The following SEMA3E variants were observed in gnomAD, a reference collection of about 807,000 sequenced individuals.
SEMA3E encodes the protein semaphorin-3E.
SEMA3E carries 49 observed loss-of-function variants against 93.6 expected under a neutral mutation model. The ratio of observed to expected loss-of-function variants is 0.52; its 90% confidence interval spans 0.42 to 0.66. SEMA3E has a LOEUF of 0.66. SEMA3E is among the 30% of genes least tolerant of loss of function. The probability of loss-of-function intolerance (pLI) is 0.00; values close to 1 mark genes in which losing one functional copy is unlikely to be tolerated. For missense variants in SEMA3E, 906 were observed against 964.8 expected (o/e 0.94, Z 0.81); for synonymous variants, 363 against 330.7 (o/e 1.10, Z -1.06).
chr7:83,611,369 T>A (rs966972983), intron 1 of SEMA3E, among the ~76,000 whole-genome samples: 2 of 144,100 alleles, frequency 1.4e-5, no homozygotes, highest in Non-Finnish European at 3.0e-5. Context: ...AATTTATATA[T>A]TATATATATA....
chr7:83,405,387 G>A, intron 9 of SEMA3E, 63 bp downstream of exon 9: 1 of 1,163,312 alleles, frequency 8.6e-7, no homozygotes. Flanking sequence ...ACACCATGAA[G>A]GGAGAGTCCG....
chr7:83,503,413 G>A (rs1000013820), intron 1 of SEMA3E, among the ~76,000 whole-genome samples: 7 of 151,944 alleles, frequency 4.6e-5, no homozygotes, highest in African/African-American at 1.5e-4. Context: ...CTTGAAATTT[G>A]AATTCTAAGT....
At chr7:83,475,714 A>G (rs1789995760) in intron 2 of SEMA3E, among the ~76,000 whole-genome samples, 1 of 152,196 alleles carries the variant, frequency 6.6e-6, no homozygotes, top group African/African-American at 2.4e-5. Flanking sequence ...GACAGCATCT[A>G]TGTAACTGTG....
chr7:83,616,060 A>G (rs966444276), intron 1 of SEMA3E, among the ~76,000 whole-genome samples: 37 of 151,970 alleles, frequency 2.4e-4, no homozygotes, highest in African/African-American at 8.2e-4. Context: ...TTAGACCATG[A>G]GCTAGATAAC....
chr7:83,405,435 G>T lies in SEMA3E; in HGVS notation c.998+15C>A. 6.3e-7 allele frequency: 1 copy of T among 1,578,708 alleles called. No homozygotes were observed. The highest frequency in any genetic ancestry group is 8.7e-7 in the Non-Finnish European group (1 of 1,148,014). ...TTGTTCTATATTGTTTTTATTGACT[G>T]TATAAATTTCTCACCTGGTAGTGTT... is the stretch of plus-strand genomic sequence containing the variant. On this transcript the variant is annotated intron_variant, in intron 9 of 16. Coordinates refer to ENST00000643230, the MANE Select transcript of SEMA3E (RefSeq NM_012431.3).
At chr7:83,402,493 A>G (rs1415691818) in intron 10 of SEMA3E, 139 bp downstream of exon 10, 6 of 714,210 alleles carry the variant, frequency 8.4e-6, no homozygotes, top group Non-Finnish European at 1.4e-5. Flanking sequence ...TTTTTTTACT[A>G]CATATACTTT....
chr7:83,585,041 C>T (rs1169223129), intron 1 of SEMA3E, among the ~76,000 whole-genome samples: 1 of 152,150 alleles, frequency 6.6e-6, no homozygotes, highest in Non-Finnish European at 1.5e-5. Flanking sequence ...AATACTAATT[C>T]CTATCAGTTC....
chr7:83,388,822 T>TTC (rs1787936487), intron 14 of SEMA3E, among the ~76,000 whole-genome samples: 1 of 150,138 alleles, frequency 6.7e-6, no homozygotes, highest in Non-Finnish European at 1.5e-5. Context: ...TTTTTTTTTT[T>TTC]CATTCTAGGG....
intron 1 of SEMA3E, among the ~76,000 whole-genome samples, chr7:83,530,949 T>C (rs1323187079): frequency 1.3e-5 from 2 of 152,146 alleles, no homozygotes; most frequent in Non-Finnish European, 2.9e-5. Context: ...TTTTATAAAG[T>C]AATTAATATT....
rs146934380 is a variant in SEMA3E, at chr7:83,627,896, G to A, written c.115+20532C>T. 2.1e-3 allele frequency among the ~76,000 whole-genome samples: 326 copies of A among 151,974 alleles called. 1 individual carries two copies. The highest frequency in any genetic ancestry group is 7.5e-3 in the African/African-American group (313 of 41,494). ...GGTTATTTTGCCCGTTAGTTGATGCGGTTACTTCATAGTGTTGATGGTCTT... is the reference window on the plus strand; with the variant it reads ...GGTTATTTTGCCCGTTAGTTGATGCAGTTACTTCATAGTGTTGATGGTCTT... On this transcript the variant is annotated intron_variant, in intron 1 of 16. Coordinates refer to ENST00000643230, the MANE Select transcript of SEMA3E (RefSeq NM_012431.3).
At chr7:83,629,746 G>A (rs1793748266) in intron 1 of SEMA3E, among the ~76,000 whole-genome samples, 1 of 152,166 alleles carries the variant, frequency 6.6e-6, no homozygotes, top group Admixed American at 6.5e-5. Flanking sequence ...GGGATCCACT[G>A]AGCAAGACTA....
chr7:83,470,836 G>A (rs947926195), intron 2 of SEMA3E, among the ~76,000 whole-genome samples: 11 of 142,588 alleles, frequency 7.7e-5, no homozygotes, highest in African/African-American at 2.8e-4. Context: ...GTTTTGTAAT[G>A]TTAAGGTGTG....
chr7:83,414,309 G>A (rs1021232309), intron 5 of SEMA3E, among the ~76,000 whole-genome samples: 1 of 151,736 alleles, frequency 6.6e-6, no homozygotes, highest in Non-Finnish European at 1.5e-5. Context: ...TTCCCTGAAT[G>A]CAAATATAGT....
intron 1 of SEMA3E, among the ~76,000 whole-genome samples, chr7:83,508,167 T>C (rs767920332): frequency 1.3e-5 from 2 of 152,138 alleles, no homozygotes; most frequent in African/African-American, 2.4e-5. Context: ...CCTGAATTGT[T>C]AAATGCCTTC....
chr7:83,583,800 A>G (rs73710804), intron 1 of SEMA3E, among the ~76,000 whole-genome samples: 41,557 of 152,068 alleles, frequency 0.27, 6,208 homozygotes, highest in East Asian at 0.4. Flanking sequence ...AGAAGAGATA[A>G]TTTCTACTTT....
chr7:83,439,348 G>A lies in SEMA3E; in HGVS notation c.457-20865C>T, dbSNP rs543034223. On this transcript the variant is annotated intron_variant, in intron 4 of 16. Transcript: ENST00000643230. ...GGAAAGGACGCTTTCTCTAACAGCC[G>A]ATTTGTTATTCAGCCCAGGCTGCAG... Among the ~76,000 whole-genome samples, 12 of 152,272 alleles carry A rather than the reference G, an allele frequency of 7.9e-5. 1 individual carries two copies. The highest frequency in any genetic ancestry group is 2.4e-4 in the African/African-American group (10 of 41,566).
intron 2 of SEMA3E, among the ~76,000 whole-genome samples, chr7:83,475,857 G>T (rs1258136369): frequency 1.3e-5 from 2 of 152,132 alleles, no homozygotes; most frequent in Non-Finnish European, 2.9e-5. Flanking sequence ...ATTGTTCCTA[G>T]CAGCAAAACT....
At chr7:83,583,175 A>G (rs1792547726) in intron 1 of SEMA3E, among the ~76,000 whole-genome samples, 2 of 152,190 alleles carry the variant, frequency 1.3e-5, no homozygotes, top group South Asian at 4.1e-4. Context: ...TTCTAAGACT[A>G]CATGGAGTTA....
intron 1 of SEMA3E, among the ~76,000 whole-genome samples, chr7:83,586,919 TC>T (rs1289668260): frequency 6.6e-6 from 1 of 152,148 alleles, no homozygotes; most frequent in African/African-American, 2.4e-5. Context: ...GTACACAGTT[TC>T]CTTGTTTCTT....
Sources: gnomAD v4.1 joint callset for allele counts (sites outside exome capture counted in the v4.1 genomes callset) on GRCh38, gnomAD v4.1.1 for gene constraint, MANE v1.5 for transcripts, NCBI Gene and HGNC (gene_info 2026-07-23, HGNC 2026-07-21) for gene names.